CCDC91: variants seen among roughly 807,000 people sequenced by gnomAD.
CCDC91 encodes the protein coiled-coil domain containing 91.
CCDC91 carries 48 observed loss-of-function variants against 63.2 expected under a neutral mutation model. That is an observed-to-expected ratio of 0.76 (90% confidence interval 0.60 to 0.97). CCDC91 has a LOEUF of 0.97. CCDC91 is among the 50% of genes least tolerant of loss of function. The pLI is 0.00. For synonymous variants in CCDC91, 167 were observed against 165.8 expected (o/e 1.01, Z -0.06); for missense variants, 500 against 494.6 (o/e 1.01, Z -0.10).
At chr12:28,404,190 G>A (rs1027073576) in intron 8 of CCDC91, among the ~76,000 whole-genome samples, 7 of 151,824 alleles carry the variant, frequency 4.6e-5, no homozygotes, top group Admixed American at 3.9e-4. Context: ...CTTTCGGTGT[G>A]TCTATAAATT....
At chr12:28,535,256 T>G (rs1395289907) in intron 12 of CCDC91, among the ~76,000 whole-genome samples, 3 of 152,326 alleles carry the variant, frequency 2.0e-5, no homozygotes, top group Non-Finnish European at 4.4e-5. Context: ...AAAACTGTCT[T>G]TATTTTTCAT....
chr12:28,360,124 C>G (rs1445720014), intron 6 of CCDC91, among the ~76,000 whole-genome samples: 1 of 152,130 alleles, frequency 6.6e-6, no homozygotes, highest in Non-Finnish European at 1.5e-5. Context: ...TAACAAAAAT[C>G]TGTGTTTTTG....
chr12:28,220,061 C>T (rs1342954103), intron 1 of CCDC91, among the ~76,000 whole-genome samples: 4 of 152,064 alleles, frequency 2.6e-5, no homozygotes. Context: ...TCTGCAGTGT[C>T]TGCTTTTAAA....
intron 12 of CCDC91, among the ~76,000 whole-genome samples, chr12:28,508,383 C>T (rs984459361): frequency 1.3e-5 from 2 of 151,638 alleles, no homozygotes; most frequent in African/African-American, 4.8e-5. Context: ...TAGGGGTTTA[C>T]CTGATGGGAT....
intron 12 of CCDC91, among the ~76,000 whole-genome samples, chr12:28,539,923 A>G (rs1211905428): frequency 6.6e-6 from 1 of 152,156 alleles, no homozygotes; most frequent in African/African-American, 2.4e-5. Context: ...TTATGTAAAA[A>G]GAGAGAAAAA....
rs185028806 is a variant in CCDC91 at position 28,255,184 on chromosome 12, A to G, written c.-14-2018A>G. Among the ~76,000 whole-genome samples the G allele has an allele frequency of 1.7e-4, 26 of 152,330 alleles. 1 individual carries two copies. The East Asian group carries it at 4.4e-3, about 26-fold the overall frequency. On this transcript the variant is annotated intron_variant, in intron 1 of 12. Transcript: ENST00000536442. Reference sequence around the variant, plus strand: ...TTTGGTTCATTACCACAGTCAAACAAGCTGAAATGATTGTTAGATGTGGGT... The same window carrying G: ...TTTGGTTCATTACCACAGTCAAACAGGCTGAAATGATTGTTAGATGTGGGT...
chr12:28,438,774 A>G (rs1242535766), intron 8 of CCDC91, among the ~76,000 whole-genome samples: 4 of 151,980 alleles, frequency 2.6e-5, no homozygotes, highest in Non-Finnish European at 5.9e-5. Context: ...TCAATTTATG[A>G]TATTTTTGAC....
At chr12:28,325,836 C>G (rs959103922) in intron 6 of CCDC91, among the ~76,000 whole-genome samples, 11 of 151,838 alleles carry the variant, frequency 7.2e-5, no homozygotes, top group African/African-American at 2.7e-4. Flanking sequence ...TTTGAAACTT[C>G]TATTTAGGAA....
At chr12:28,289,214 T>G (rs1184638132) in intron 3 of CCDC91, among the ~76,000 whole-genome samples, 1 of 152,106 alleles carries the variant, frequency 6.6e-6, no homozygotes, top group African/African-American at 2.4e-5. Context: ...ATTTCTTGTC[T>G]TCTGCTAGCT....
chr12:28,343,865 A>G (rs556504977), intron 6 of CCDC91, among the ~76,000 whole-genome samples: 9 of 152,256 alleles, frequency 5.9e-5, no homozygotes, highest in Non-Finnish European at 1.0e-4. Flanking sequence ...GACACTATGC[A>G]TTATTCTAAC....
chr12:28,461,686 T>C (rs967431021), intron 11 of CCDC91, among the ~76,000 whole-genome samples: 1 of 152,110 alleles, frequency 6.6e-6, no homozygotes, highest in Admixed American at 6.5e-5. Context: ...ATGACTTTTA[T>C]ATTTTTATTT....
intron 12 of CCDC91, among the ~76,000 whole-genome samples, chr12:28,546,895 G>A (rs1943028812): frequency 6.6e-6 from 1 of 152,042 alleles, no homozygotes; most frequent in South Asian, 2.1e-4. Flanking sequence ...CTTTTGAAGG[G>A]TGTGCACTCA....
At chr12:28,467,769 A>G (rs1317169885) in intron 11 of CCDC91, among the ~76,000 whole-genome samples, 2 of 152,106 alleles carry the variant, frequency 1.3e-5, no homozygotes, top group African/African-American at 2.4e-5. Flanking sequence ...ATCTTCTCTG[A>G]CCAGAATGGA....
chr12:28,216,256 A>G (rs754654004), intron 1 of CCDC91, among the ~76,000 whole-genome samples: 5 of 151,646 alleles, frequency 3.3e-5, no homozygotes, highest in South Asian at 2.1e-4. Flanking sequence ...TTGTTCATCA[A>G]CTCTCACTAG....
intron 1 of CCDC91, among the ~76,000 whole-genome samples, chr12:28,204,599 C>T (rs1035013431): frequency 6.6e-6 from 1 of 152,080 alleles, no homozygotes; most frequent in African/African-American, 2.4e-5. Context: ...GAGGGAAAGT[C>T]ATGTTAGGTA....
In CCDC91 at chr12:28,267,923, T is replaced by A. The variant is rs1432466884; in HGVS notation, c.109+8481T>A. Among the ~76,000 whole-genome samples the A allele has an allele frequency of 7.1e-4, 59 of 82,834 alleles. 1 individual carries two copies. Among genetic ancestry groups the A allele is most frequent in the East Asian group, 5.6e-3 (22 of 3,902 alleles). 54.3% of individuals were successfully genotyped at this position (82,834 alleles called of 152,430 possible). The stretch of plus-strand genomic sequence containing the variant: ...ATAATTATATTATATATAATTATTA[T>A]AATTATATATAATTATATATAATTA... On this transcript the variant is annotated intron_variant, in intron 3 of 12. Transcript: ENST00000536442.
chr12:28,302,279 T>C (rs760932028), intron 3 of CCDC91, among the ~76,000 whole-genome samples: 64 of 151,976 alleles, frequency 4.2e-4, no homozygotes, highest in Non-Finnish European at 7.8e-4. Flanking sequence ...AATAATGGGA[T>C]AGGTGTGAAA....
At chr12:28,329,720 A>G (rs186871787) in intron 6 of CCDC91, among the ~76,000 whole-genome samples, 29 of 152,004 alleles carry the variant, frequency 1.9e-4, no homozygotes, top group Admixed American at 1.7e-3. Context: ...GCACCCATTA[A>G]CTCGTCATTT....
At chr12:28,513,792 C>T (rs1426078143) in intron 12 of CCDC91, among the ~76,000 whole-genome samples, 3 of 151,778 alleles carry the variant, frequency 2.0e-5, no homozygotes, top group South Asian at 2.1e-4. Context: ...AGAGCATGAT[C>T]GTGTTCTTCT....
Sources: allele counts gnomAD v4.1 joint callset (sites outside exome capture counted in the v4.1 genomes callset), GRCh38; gene constraint gnomAD v4.1.1; transcripts MANE v1.5; gene names NCBI Gene and HGNC (gene_info 2026-07-23, HGNC 2026-07-21).